The following NXN variants were observed in gnomAD, a reference collection of about 807,000 sequenced individuals.
NXN encodes the protein nucleoredoxin 1.
In NXN, 16 loss-of-function variants were observed where a neutral mutation model predicts 48.6. The observed-to-expected ratio is 0.33, with a 90% CI of 0.22 to 0.50. The LOEUF (loss-of-function observed/expected upper bound fraction) is 0.50. Among genes scored for constraint, NXN ranks in the 20% least tolerant of loss-of-function variants. The probability of loss-of-function intolerance (pLI) is 0.98; values close to 1 mark genes in which losing one functional copy is unlikely to be tolerated. For synonymous variants in NXN, 281 were observed against 269.6 expected, an observed-to-expected ratio of 1.04 and a Z score of -0.41; for missense variants, 492 against 605.5, an observed-to-expected ratio of 0.81 and a Z score of 1.97.
At chr17:831,385 G>A (rs934251799) in intron 1 of NXN, among the ~76,000 whole-genome samples, 1 of 152,106 alleles carries the variant, frequency 6.6e-6, no homozygotes, top group Non-Finnish European at 1.5e-5. Context: ...TCAAGGACTT[G>A]AGCACTGGGG....
chr17:901,982 G>A (rs946498472), intron 1 of NXN, among the ~76,000 whole-genome samples: 2 of 152,194 alleles, frequency 1.3e-5, no homozygotes, highest in East Asian at 1.9e-4. Flanking sequence ...TTGCAGGTGT[G>A]AGCCACCGCA....
intron 1 of NXN, among the ~76,000 whole-genome samples, chr17:871,750 A>ACTAG (rs1220200352): frequency 1.3e-5 from 2 of 152,096 alleles, no homozygotes; most frequent in African/African-American, 4.8e-5. Flanking sequence ...TTGATGTTAC[A>ACTAG]CTAGCTAATT....
intron 1 of NXN, among the ~76,000 whole-genome samples, chr17:829,450 C>T (rs1303324794): frequency 6.9e-6 from 1 of 145,180 alleles, no homozygotes; most frequent in Admixed American, 7.2e-5. Flanking sequence ...CCACCGTGCT[C>T]GGACTATCTT....
At chr17:856,187 G>A (rs577872227) in intron 1 of NXN, among the ~76,000 whole-genome samples, 254 of 150,580 alleles carry the variant, frequency 1.7e-3, no homozygotes, top group African/African-American at 5.9e-3. Flanking sequence ...GTGAGACTCC[G>A]TCTCAAAAAA....
chr17:923,046 G>A (rs1047266641), intron 1 of NXN, among the ~76,000 whole-genome samples: 8 of 151,942 alleles, frequency 5.3e-5, no homozygotes, highest in African/African-American at 1.2e-4. Context: ...ACTTCAACTC[G>A]ACTTACTCAC....
At chr17:840,904 T>C (rs978475061) in intron 1 of NXN, among the ~76,000 whole-genome samples, 1 of 152,126 alleles carries the variant, frequency 6.6e-6, no homozygotes, top group Non-Finnish European at 1.5e-5. Flanking sequence ...AAACAACCAC[T>C]GCCCCCACAA....
intron 1 of NXN, among the ~76,000 whole-genome samples, chr17:839,512 T>C (rs553381611): frequency 6.6e-6 from 1 of 151,182 alleles, no homozygotes; most frequent in East Asian, 2.0e-4. Flanking sequence ...GGAGGATATC[T>C]GAAAAGAAAA....
chr17:861,771 A>T (rs1276153596), intron 1 of NXN, among the ~76,000 whole-genome samples: 6 of 151,106 alleles, frequency 4.0e-5, no homozygotes, highest in Non-Finnish European at 8.8e-5. Flanking sequence ...TTTTTTTTTT[A>T]ATCCATGAGT....
intron 1 of NXN, among the ~76,000 whole-genome samples, chr17:960,177 A>G (rs1428530467): frequency 6.6e-6 from 1 of 152,160 alleles, no homozygotes; most frequent in Admixed American, 6.5e-5. Flanking sequence ...ACCACCTAAC[A>G]CAACAGTAAG....
chr17:921,688 C>A (rs1355188554), intron 1 of NXN, among the ~76,000 whole-genome samples: 2 of 147,668 alleles, frequency 1.4e-5, no homozygotes, highest in Non-Finnish European at 3.0e-5. Context: ...CTCACTGCCC[C>A]TGGACAACAC....
chr17:979,107 A>AGG (rs1567530893), intron 1 of NXN, among the ~76,000 whole-genome samples: 3 of 17,424 alleles, frequency 1.7e-4, no homozygotes, highest in African/African-American at 1.6e-3. Flanking sequence ...CACAGCGCGG[A>AGG]AGGGGGGGGG....
intron 1 of NXN, among the ~76,000 whole-genome samples, chr17:875,761 T>TAA (rs35059194): frequency 0.22 from 31,253 of 143,202 alleles, 3,515 homozygotes; most frequent in Middle Eastern, 0.35. Flanking sequence ...CCTGGTAAAT[T>TAA]AAAAAAAAAA....
At chr17:842,498 C>T (rs12939291) in intron 1 of NXN, 81,644 of 984,518 alleles carry the variant, frequency 0.083, 4,192 homozygotes, top group East Asian at 0.28. Flanking sequence ...AGGATGAACA[C>T]GGGGCCGCGT....
At chr17:909,098 CAAAAAAAA>C (rs59822805) in intron 1 of NXN, among the ~76,000 whole-genome samples, 4 of 117,328 alleles carry the variant, frequency 3.4e-5, no homozygotes, top group African/African-American at 1.4e-4. Context: ...GACTTCGTCT[CAAAAAAAA>C]AAAAAAAAAA....
intron 1 of NXN, among the ~76,000 whole-genome samples, chr17:929,213 G>A (rs1051971145): frequency 2.0e-5 from 3 of 152,210 alleles, no homozygotes; most frequent in Non-Finnish European, 2.9e-5. Flanking sequence ...GGCTTTCCCC[G>A]AGGGCTGGCT....
intron 1 of NXN, among the ~76,000 whole-genome samples, chr17:954,249 T>G (rs1824831054): frequency 6.6e-6 from 1 of 151,604 alleles, no homozygotes; most frequent in Non-Finnish European, 1.5e-5. Flanking sequence ...GGTGTGGTGG[T>G]GCACGTCTGT....
Position 825,890 on chromosome 17 carries a change from G to A in NXN, c.478+71C>T, listed in dbSNP as rs993173367. The A allele has an allele frequency of 8.3e-6, 8 of 964,842 alleles. No homozygotes were observed. Among genetic ancestry groups the A allele is most frequent in the South Asian group, 6.1e-5 (4 of 65,768 alleles). The allele number at this position is 964,842 out of a possible 1,614,324, so 59.8% of individuals were successfully genotyped here. On this transcript the variant is annotated intron_variant, in intron 2 of 7. Transcript: ENST00000336868. The surrounding 1 kb of genome is among the most constrained non-coding windows in gnomAD (Gnocchi z 4.1). Reference sequence around the variant, plus strand: ...GTACTCTCTCCACCGGTGGGACGGAGATTAGCCTAAGGGCATGGAGGAGGG... The same window carrying A: ...GTACTCTCTCCACCGGTGGGACGGAAATTAGCCTAAGGGCATGGAGGAGGG...
chr17:856,255 A>C (rs530923203), intron 1 of NXN, among the ~76,000 whole-genome samples: 1 of 152,142 alleles, frequency 6.6e-6, no homozygotes, highest in Admixed American at 6.5e-5. Flanking sequence ...ATCATGGCCG[A>C]GGACAGAAAA....
chr17:938,410 G>A (rs761882595), intron 1 of NXN, among the ~76,000 whole-genome samples: 6 of 152,358 alleles, frequency 3.9e-5, no homozygotes, highest in Middle Eastern at 3.4e-3. Context: ...GGCCGGGCGC[G>A]GCGGCTCACG....
Sources: gnomAD v4.1 joint callset for allele counts (sites outside exome capture counted in the v4.1 genomes callset) on GRCh38, gnomAD v4.1.1 for gene constraint, Gnocchi (gnomAD v3.1) non-coding constraint, MANE v1.5 for transcripts, NCBI Gene and HGNC (gene_info 2026-07-23, HGNC 2026-07-21) for gene names.